MYH11: variants seen among roughly 807,000 people sequenced by gnomAD.
The protein encoded by MYH11 is myosin-11.
A neutral mutation model predicts 246.6 loss-of-function variants in MYH11; 80 were observed. The ratio of observed to expected loss-of-function variants is 0.32; its 90% CI spans 0.27 to 0.39. The LOEUF is 0.39. Ranked by LOEUF, MYH11 falls within the 10% of genes least tolerant of loss-of-function variation. MYH11 has a pLI of 1.00. For missense variants in MYH11, 2,158 were observed against 2,546.8 expected, an observed-to-expected ratio of 0.85 and a Z score of 3.29; for synonymous variants, 1,071 against 1,015.5, an observed-to-expected ratio of 1.05 and a Z score of -1.04.
chr16:15,757,287 G>C (rs1207394414), intron 13 of MYH11, among the ~76,000 whole-genome samples: 1 of 151,352 alleles, frequency 6.6e-6, no homozygotes, highest in African/African-American at 2.4e-5. Context: ...CTCCCAAATA[G>C]CTGGGACCAC....
Position 15,855,288 on chromosome 16 carries a change from C to T in MYH11, c.-18+1653G>A, listed in dbSNP as rs555409413. ...GTTTCAGCTAGGTCACCCCCTCAAT[C>T]AGGGGACAAACAGTGCCTTTTATTT... On this transcript the variant is annotated intron_variant, in intron 1 of 40. Coordinates refer to ENST00000300036, the MANE Select transcript of MYH11 (RefSeq NM_002474.3). Among the ~76,000 whole-genome samples, 4 of 152,352 alleles carry T rather than the reference C, an allele frequency of 2.6e-5. No individual in the cohort carries two copies. The East Asian group carries it at 7.7e-4, about 29-fold the overall frequency.
intron 1 of MYH11, among the ~76,000 whole-genome samples, chr16:15,848,587 C>G (rs1174810840): frequency 6.6e-6 from 1 of 152,084 alleles, no homozygotes; most frequent in Non-Finnish European, 1.5e-5. Context: ...GTGAGGGGAG[C>G]TCTTCCGTGC....
chr16:15,828,907 G>A (rs999253786), intron 2 of MYH11, among the ~76,000 whole-genome samples: 3 of 151,700 alleles, frequency 2.0e-5, no homozygotes, highest in Non-Finnish European at 2.9e-5. Flanking sequence ...GAAGAGGCCG[G>A]GCATGGTGGC....
intron 27 of MYH11, among the ~76,000 whole-genome samples, chr16:15,729,378 T>C (rs1055247244): frequency 6.6e-6 from 1 of 152,124 alleles, no homozygotes; most frequent in Non-Finnish European, 1.5e-5. Context: ...CTCTACCTGC[T>C]TTGTGCGGGT....
At chr16:15,847,542 C>T (rs1177899511) in intron 1 of MYH11, among the ~76,000 whole-genome samples, 1 of 152,212 alleles carries the variant, frequency 6.6e-6, no homozygotes, top group Non-Finnish European at 1.5e-5. Context: ...GCATGAGCCG[C>T]TGTGCCCAGC....
At position 15,707,977 on chromosome 16, in the gene MYH11, AAAG is replaced by A. The variant is rs1473996784; in HGVS notation, c.5787-3857_5787-3855del. Among the ~76,000 whole-genome samples the A allele has an allele frequency of 1.3e-3, 168 of 131,152 alleles. 1 individual carries two copies. Among genetic ancestry groups the A allele is most frequent in the African/African-American group, 4.4e-3 (158 of 36,054 alleles). 86.0% of individuals were successfully genotyped at this position (131,152 alleles called of 152,430 possible). The stretch of plus-strand genomic sequence containing the variant: ...TCCGTCTCAAAAAAAAAAAAAAAAA[AAAG>A]CAAAATCCCAGAGCAGCAGAGACCT... On this transcript the variant is annotated intron_variant, in intron 40 of 40. Coordinates refer to ENST00000300036, the MANE Select transcript of MYH11 (RefSeq NM_002474.3).
chr16:15,716,403 G>A (rs1330862744), intron 38 of MYH11, among the ~76,000 whole-genome samples: 1 of 152,204 alleles, frequency 6.6e-6, no homozygotes, highest in East Asian at 1.9e-4. Flanking sequence ...AGAATCCTTA[G>A]AATCCAATGG....
chr16:15,725,209 G>T, intron 28 of MYH11: 1 of 613,490 alleles, frequency 1.6e-6, no homozygotes. Context: ...TCACCTATGA[G>T]TTGGGACCCT....
intron 3 of MYH11, among the ~76,000 whole-genome samples, chr16:15,800,347 G>A (rs1255252303): frequency 1.3e-5 from 2 of 151,686 alleles, no homozygotes; most frequent in Admixed American, 6.6e-5. Context: ...TAGAGAGACA[G>A]GAAGACAAAT....
At chr16:15,736,649 T>G (rs1470331421) in intron 25 of MYH11, among the ~76,000 whole-genome samples, 1 of 152,174 alleles carries the variant, frequency 6.6e-6, no homozygotes, top group Non-Finnish European at 1.5e-5. Context: ...ACTGTCAACA[T>G]AGCACAAATT....
chr16:15,854,332 G>A (rs2044406403), intron 1 of MYH11, among the ~76,000 whole-genome samples: 1 of 152,174 alleles, frequency 6.6e-6, no homozygotes, highest in Non-Finnish European at 1.5e-5. Context: ...GCCAGGCACT[G>A]TGCTAAACCC....
chr16:15,756,505 G>C lies in MYH11; in HGVS notation c.1585C>G (p.Pro529Ala). ...IELIERPNNP[P>A]GVLALLDEEC... The stretch of plus-strand genomic sequence containing the variant: ...TCGTCCAGCAGGGCCAGCACACCTG[G>C]AGGGTTGTTCTGTGGGAGACAAGTA... The change falls in exon 14 of 41, where the codon CCA becomes GCA. Residue 529 changes from proline (P) to alanine (A), a missense_variant. Around this residue, in one of 11 missense-constraint regions of MYH11, gnomAD observed 317 missense variants for 507.7 expected, o/e 0.62. Transcript: ENST00000300036. 1 of 1,614,154 alleles carries C rather than the reference G, an allele frequency of 6.2e-7. No individual in the cohort carries two copies. Among genetic ancestry groups the C allele is most frequent in the Non-Finnish European group, 8.5e-7 (1 of 1,180,034 alleles).
At chr16:15,787,050 T>C (rs1567761582) in intron 4 of MYH11, among the ~76,000 whole-genome samples, 2 of 152,040 alleles carry the variant, frequency 1.3e-5, no homozygotes, top group African/African-American at 4.8e-5. Flanking sequence ...GGTGGGAGGA[T>C]CATTTGAGCC....
intron 40 of MYH11, among the ~76,000 whole-genome samples, chr16:15,709,937 T>G (rs2039683635): frequency 6.6e-6 from 1 of 152,090 alleles, no homozygotes; most frequent in Non-Finnish European, 1.5e-5. Flanking sequence ...AGAGAGGGCT[T>G]GTGTCGAGAT....
At chr16:15,814,397 AC>A (rs2043210924) in intron 3 of MYH11, among the ~76,000 whole-genome samples, 1 of 151,628 alleles carries the variant, frequency 6.6e-6, no homozygotes, top group African/African-American at 2.4e-5. Flanking sequence ...TATTTAAAAT[AC>A]AAAAATTAGC....
rs191829654 is a variant in MYH11, at chr16:15,838,816, C to T, written c.-17-547G>A. 2.7e-5 allele frequency among the ~76,000 whole-genome samples: 4 copies of T among 149,264 alleles called. No homozygotes were observed. In the East Asian group the frequency reaches 5.9e-4, roughly 22 times the overall value. ...AGGTTGCAGTGAGCCAAGATAGTGC[C>T]ACTGCACTCCAGCCTGGGTGACAGA... On this transcript the variant is annotated intron_variant, in intron 1 of 40. Coordinates refer to ENST00000300036, the MANE Select transcript of MYH11 (RefSeq NM_002474.3).
Position 15,838,009 on chromosome 16 carries a change from G to A in MYH11, c.244C>T (p.Pro82Ser), listed in dbSNP as rs1431217461. Residue 82 changes from proline to serine, a missense_variant, in exon 2 of 41, where the codon CCC (proline) becomes TCC (serine). Coordinates refer to ENST00000300036, the MANE Select transcript of MYH11 (RefSeq NM_002474.3). ...GKDDIQKMNPPKFSKVEDMAE... is the reference protein window; with the variant it reads ...GKDDIQKMNPSKFSKVEDMAE... ...ATGTCCTCCACCTTGGAGAACTTGG[G>A]TGGGTTCATCTTCTGGATGTCATCT... 4 of 1,614,034 alleles carry A rather than the reference G, an allele frequency of 2.5e-6. No homozygotes were observed. Among genetic ancestry groups the A allele is most frequent in the Non-Finnish European group, 1.7e-6 (2 of 1,180,038 alleles).
intron 3 of MYH11, among the ~76,000 whole-genome samples, chr16:15,799,661 T>C (rs1448522959): frequency 1.3e-5 from 2 of 152,242 alleles, no homozygotes; most frequent in African/African-American, 2.4e-5. Flanking sequence ...CAAAGAGAGA[T>C]CTGAGAACAG....
intron 36 of MYH11, 185 bp downstream of exon 36, chr16:15,719,035 G>C: frequency 1.5e-6 from 1 of 656,954 alleles, no homozygotes; most frequent in Admixed American, 2.1e-5. Flanking sequence ...GGCTGAGGCA[G>C]GAGAATTGCT....
Sources: allele counts gnomAD v4.1 joint callset (sites outside exome capture counted in the v4.1 genomes callset), GRCh38; gene constraint gnomAD v4.1.1; regional missense constraint gnomAD v4.1.1; transcripts MANE v1.5; gene names NCBI Gene and HGNC (gene_info 2026-07-23, HGNC 2026-07-21).